The following CPLANE1 variants were observed in gnomAD, a reference collection of about 807,000 sequenced individuals.
The protein encoded by CPLANE1 is ciliogenesis and planar polarity effector complex subunit 1.
In CPLANE1, 263 loss-of-function variants were observed where a neutral mutation model predicts 362.5. The observed-to-expected ratio is 0.73, with a 90% confidence interval of 0.66 to 0.80. The LOEUF (loss-of-function observed/expected upper bound fraction) is 0.80, where lower values mean the gene tolerates loss of function less well. Ranked by LOEUF, CPLANE1 falls within the 30% of genes least tolerant of loss-of-function variation. The pLI is 0.00. For missense variants in CPLANE1, 3,461 were observed against 3,793.4 expected, an observed-to-expected ratio of 0.91 and a Z score of 2.30; for synonymous variants, 1,212 against 1,302.6, an observed-to-expected ratio of 0.93 and a Z score of 1.50.
At chr5:37,159,759 A>G (rs574810521) in intron 38 of CPLANE1, among the ~76,000 whole-genome samples, 4 of 152,216 alleles carry the variant, frequency 2.6e-5, no homozygotes, top group African/African-American at 9.6e-5. Flanking sequence ...CCTCTCTCTT[A>G]ATTGATTGGT....
chr5:37,157,714 G>A lies in CPLANE1; in HGVS notation c.7967C>T (p.Ala2656Val), dbSNP rs769154511. ...PSSAELHYMAASVTNAVPPHN... is the reference protein window; with the variant it reads ...PSSAELHYMAVSVTNAVPPHN... The stretch of plus-strand genomic sequence containing the variant: ...TGGGGGAACAGCATTAGTAACTGAA[G>A]CTGCCATATAATGTAACTCTGCAGA... The change falls in exon 40 of 53, where the codon GCT (alanine) becomes GTT (valine). Residue 2656 changes from alanine (A) to valine (V), a missense_variant. This residue lies in a region of CPLANE1 where 3,380 missense variants were observed against 3,666.1 expected (regional missense o/e 0.92). Coordinates refer to ENST00000651892, the MANE Select transcript of CPLANE1 (RefSeq NM_001384732.1). 12 of 1,613,862 alleles carry A rather than the reference G, an allele frequency of 7.4e-6. No homozygotes were observed. Among genetic ancestry groups the A allele is most frequent in the South Asian group, 1.1e-5 (1 of 91,060 alleles).
chr5:37,138,892 C>A (rs769077074), intron 45 of CPLANE1, 44 bp from the exon 46 acceptor site: 1 of 1,543,986 alleles, frequency 6.5e-7, no homozygotes, highest in Admixed American at 2.0e-5. Flanking sequence ...TCAGTATCTA[C>A]AACTTAATTA....
At chr5:37,205,621 T>C (rs1162183707) in intron 17 of CPLANE1, among the ~76,000 whole-genome samples, 167 bp from the exon 18 acceptor site, 1 of 152,210 alleles carries the variant, frequency 6.6e-6, no homozygotes, top group Non-Finnish European at 1.5e-5. Context: ...ATTAAGACCC[T>C]CCACGATTAT....
chr5:37,096,341 T>C, the CPLANE1 span, among the ~76,000 whole-genome samples: 3 of 152,184 alleles, frequency 2.0e-5, no homozygotes, highest in Admixed American at 6.5e-5. Context: ...CTGGGATAAT[T>C]GGCTAGTCAC....
In CPLANE1 at chr5:37,107,400, T is replaced by C. The variant is rs1042958467; in HGVS notation, c.*202A>G. On this transcript the variant is annotated 3_prime_UTR_variant, in exon 53 of 53. Coordinates refer to ENST00000651892, the MANE Select transcript of CPLANE1 (RefSeq NM_001384732.1). ...ACAAAAACATATAATACATCAATAG[T>C]CAACCCTTTCCCCATAAAGGCAAAG... 1 of 1,270,106 alleles carries C rather than the reference T, an allele frequency of 7.9e-7. No homozygotes were observed. The highest frequency in any genetic ancestry group is 1.5e-5 in the African/African-American group (1 of 65,048). 78.7% of individuals were successfully genotyped at this position (1,270,106 alleles called of 1,614,324 possible).
At position 37,187,422 on chromosome 5, in the gene CPLANE1, T is replaced by C. The variant is rs1177512793; in HGVS notation, c.4072A>G (p.Ile1358Val). ...ILSLIGELPP[I>V]RKVAEIFVKA... ...ACCTACAAGCACATTACCTTTCTGA[T>C]TGGTGGCAGTTCTCCAATAAGGCTC... is the stretch of plus-strand genomic sequence containing the variant. Residue 1358 changes from isoleucine (I) to valine (V), a missense_variant, in exon 23 of 53, where the codon ATC becomes GTC. Ile to Val is a conservative substitution (Grantham distance 29). This residue lies in a region of CPLANE1 where 3,380 missense variants were observed against 3,666.1 expected (regional missense o/e 0.92). Transcript: ENST00000651892. 1.2e-6 allele frequency: 2 copies of C among 1,610,056 alleles called. No individual in the cohort carries two copies. Among genetic ancestry groups the C allele is most frequent in the Non-Finnish European group, 1.7e-6 (2 of 1,178,824 alleles).
chr5:37,216,375 C>T (rs1472253122), intron 15 of CPLANE1, among the ~76,000 whole-genome samples: 1 of 152,068 alleles, frequency 6.6e-6, no homozygotes, highest in Non-Finnish European at 1.5e-5. Flanking sequence ...TGGAGAAACC[C>T]CATCACTGCA....
chr5:37,218,855 G>A (rs1207655174), intron 15 of CPLANE1, among the ~76,000 whole-genome samples: 1 of 151,808 alleles, frequency 6.6e-6, no homozygotes, highest in Non-Finnish European at 1.5e-5. Flanking sequence ...GGCTGAGGCA[G>A]GAAAACTGCT....
At position 37,186,292 on chromosome 5, in the gene CPLANE1, C is replaced by G. The variant is rs781459642; in HGVS notation, c.4183G>C (p.Val1395Leu). The change falls in exon 24 of 53, where the codon GTG becomes CTG. Residue 1395 changes from valine (V) to leucine (L), a missense_variant. Around this residue, in one of 2 missense-constraint regions of CPLANE1, gnomAD observed 3,380 missense variants for 3,666.1 expected, o/e 0.92. Transcript: ENST00000651892. ...GAGAAACAACAAATAATACCTTTCA[C>G]AACACAGTGTCTGAGTCTCTGGTGA... ...SLHQRLRHCV[V>L]KGPQTEEMMS... The G allele has an allele frequency of 1.4e-6, 2 of 1,470,910 alleles. No individual in the cohort carries two copies. Among genetic ancestry groups the G allele is most frequent in the South Asian group, 1.2e-5 (1 of 86,540 alleles). The allele number at this position is 1,470,910 out of a possible 1,614,324, so 91.1% of individuals were successfully genotyped here. A position where few individuals can be genotyped will look rare whatever the true frequency, so the allele number is the denominator to read the frequency against.
At chr5:37,117,855 A>C (rs1761477412) in intron 50 of CPLANE1, among the ~76,000 whole-genome samples, 1 of 152,250 alleles carries the variant, frequency 6.6e-6, no homozygotes, top group African/African-American at 2.4e-5. Flanking sequence ...GCACAAGGTA[A>C]AAATAAAGAC....
chr5:37,165,206 G>A (rs999867156), intron 36 of CPLANE1, among the ~76,000 whole-genome samples: 3 of 152,044 alleles, frequency 2.0e-5, no homozygotes, highest in Non-Finnish European at 4.4e-5. Flanking sequence ...CTCAGAGAAC[G>A]GTGAAACTGT....
chr5:37,125,280 C>G lies in CPLANE1; in HGVS notation c.8922G>C (p.Gly2974=), dbSNP rs370013757. The G allele has an allele frequency of 1.2e-6, 2 of 1,613,936 alleles. No individual in the cohort carries two copies. The highest frequency in any genetic ancestry group is 2.2e-5 in the South Asian group (2 of 91,040). The change falls in exon 47 of 53, where the codon GGG becomes GGC. Residue 2974 remains glycine (G), a synonymous_variant. Coordinates refer to ENST00000651892, the MANE Select transcript of CPLANE1 (RefSeq NM_001384732.1). ...TGGGACAGAAAGGATCATGTTCTTG[C>G]CCTCTCTTTTCTGCCAGCTCATTTA... ...KYLNELAEKR[G]QEHDPFCPRS...
At chr5:37,153,322 T>C (rs1412515654) in intron 42 of CPLANE1, among the ~76,000 whole-genome samples, 1 of 152,136 alleles carries the variant, frequency 6.6e-6, no homozygotes, top group Non-Finnish European at 1.5e-5. Context: ...TATAAAAAAT[T>C]TTCCAAAATA....
At chr5:37,117,747 C>T (rs1761444059) in intron 50 of CPLANE1, among the ~76,000 whole-genome samples, 1 of 152,202 alleles carries the variant, frequency 6.6e-6, no homozygotes, top group Non-Finnish European at 1.5e-5. Context: ...CTGAGGGCTT[C>T]TGAGCCCAGG....
At chr5:37,225,619 A>G (rs1022266604) in intron 12 of CPLANE1, among the ~76,000 whole-genome samples, 6 of 152,206 alleles carry the variant, frequency 3.9e-5, no homozygotes, top group African/African-American at 1.4e-4. Flanking sequence ...TGGGAGGCTG[A>G]AGCGGGCGGA....
chr5:37,098,558 T>C, the CPLANE1 span, among the ~76,000 whole-genome samples: 1 of 152,074 alleles, frequency 6.6e-6, no homozygotes, highest in Non-Finnish European at 1.5e-5. Context: ...CTACAGAGTA[T>C]ATATTCTTCT....
chr5:37,165,420 T>G, intron 36 of CPLANE1, 119 bp downstream of exon 36: 3 of 930,284 alleles, frequency 3.2e-6, no homozygotes, highest in South Asian at 1.5e-5. Context: ...CTGAATGATA[T>G]GAAGATCCTC....
chr5:37,153,305 C>A (rs1774092095), intron 42 of CPLANE1, among the ~76,000 whole-genome samples: 1 of 152,018 alleles, frequency 6.6e-6, no homozygotes, highest in African/African-American at 2.4e-5. Flanking sequence ...AGAAATAGTA[C>A]CAATCCTATA....
intron 15 of CPLANE1, among the ~76,000 whole-genome samples, chr5:37,219,558 G>A (rs187534472): frequency 7.9e-5 from 12 of 152,084 alleles, no homozygotes; most frequent in Admixed American, 1.3e-4. Flanking sequence ...TTAGCCAGGC[G>A]TGAGGCACAT....
Sources: allele counts gnomAD v4.1 joint callset (sites outside exome capture counted in the v4.1 genomes callset), GRCh38; gene constraint gnomAD v4.1.1; regional missense constraint gnomAD v4.1.1; transcripts MANE v1.5; gene names NCBI Gene and HGNC (gene_info 2026-07-23, HGNC 2026-07-21).